COL24A1: variants seen among roughly 807,000 people sequenced by gnomAD.
COL24A1 encodes the protein collagen alpha-1(XXIV) chain.
Under a neutral mutation model 253.9 loss-of-function variants are expected in COL24A1, and 224 were observed. The ratio of observed to expected loss-of-function variants is 0.88; its 90% CI spans 0.79 to 0.99. The LOEUF (loss-of-function observed/expected upper bound fraction) is 0.99. Ranked by LOEUF, COL24A1 falls within the 50% of genes least tolerant of loss-of-function variation. The pLI, the probability that COL24A1 is intolerant of heterozygous loss-of-function variation, is 0.00. For synonymous variants in COL24A1, 685 were observed against 673.7 expected, an observed-to-expected ratio of 1.02 and a Z score of -0.26; for missense variants, 2,131 against 2,068.5, an observed-to-expected ratio of 1.03 and a Z score of -0.59.
At chr1:86,039,083 G>C (rs990116429) in intron 12 of COL24A1, among the ~76,000 whole-genome samples, 14 of 152,154 alleles carry the variant, frequency 9.2e-5, no homozygotes, top group Non-Finnish European at 2.9e-5. Flanking sequence ...GGCATGTGAT[G>C]CCAGTGCTAA....
chr1:85,984,365 C>A (rs999301685), intron 20 of COL24A1, among the ~76,000 whole-genome samples: 1 of 151,820 alleles, frequency 6.6e-6, no homozygotes. Flanking sequence ...CAGAGCACTT[C>A]ACCAACTCTT....
chr1:85,748,036 A>G (rs1168614491), intron 55 of COL24A1, among the ~76,000 whole-genome samples: 1 of 152,248 alleles, frequency 6.6e-6, no homozygotes, highest in Non-Finnish European at 1.5e-5. Context: ...TTAGGAAAAC[A>G]TAATGTTACT....
intron 31 of COL24A1, among the ~76,000 whole-genome samples, chr1:85,895,443 T>C (rs545594034): frequency 2.6e-5 from 4 of 152,288 alleles, no homozygotes; most frequent in East Asian, 3.9e-4. Context: ...CTCATTATAT[T>C]TATATGTCAC....
intron 4 of COL24A1, among the ~76,000 whole-genome samples, chr1:86,114,320 G>C (rs574529142): frequency 6.6e-6 from 1 of 152,188 alleles, no homozygotes; most frequent in East Asian, 1.9e-4. Flanking sequence ...GTAAACTGCC[G>C]TATTATGAGA....
At chr1:85,925,334 T>A (rs1450746785) in intron 24 of COL24A1, among the ~76,000 whole-genome samples, 17 of 152,134 alleles carry the variant, frequency 1.1e-4, no homozygotes, top group Admixed American at 6.5e-5. Flanking sequence ...GTAAAGTTCA[T>A]ATGGAACCAA....
intron 10 of COL24A1, among the ~76,000 whole-genome samples, chr1:86,051,423 C>T (rs1026343019): frequency 6.6e-6 from 1 of 152,060 alleles, no homozygotes; most frequent in African/African-American, 2.4e-5. Flanking sequence ...TGGTGCTTTG[C>T]TTTACTGAGG....
intron 22 of COL24A1, among the ~76,000 whole-genome samples, chr1:85,968,980 A>G (rs992330506): frequency 2.6e-5 from 4 of 152,192 alleles, no homozygotes; most frequent in Non-Finnish European, 4.4e-5. Context: ...ATATCTTGCA[A>G]AGTTGTTTTC....
At chr1:85,969,534 G>A (rs902653643) in intron 22 of COL24A1, among the ~76,000 whole-genome samples, 1 of 146,526 alleles carries the variant, frequency 6.8e-6, no homozygotes, top group African/African-American at 2.5e-5. Flanking sequence ...GAACCCAGGA[G>A]GTGGAGGTTG....
chr1:85,737,417 T>C lies in COL24A1; in HGVS notation c.4761A>G (p.Leu1587=). ...CNFSAGGQTC[L]PPVSVTKLEF... The stretch of plus-strand genomic sequence containing the variant: ...ATACCTTTGTTACAGAAACAGGAGG[T>C]AAGCATGTCTGGCCACCAGCACTGA... The change falls in exon 58 of 60, where the codon TTA becomes TTG. Residue 1587 remains leucine (L), a synonymous_variant. Transcript: ENST00000370571. 1 of 1,612,050 alleles carries C rather than the reference T, an allele frequency of 6.2e-7. No individual in the cohort carries two copies.
chr1:85,937,753 T>G (rs2103144199), intron 24 of COL24A1, among the ~76,000 whole-genome samples: 1 of 147,616 alleles, frequency 6.8e-6, no homozygotes, highest in East Asian at 2.1e-4. Context: ...ATGGTACCAT[T>G]CTTTGAGAAG....
chr1:86,047,249 G>C (rs928074211), intron 11 of COL24A1, among the ~76,000 whole-genome samples: 1 of 152,232 alleles, frequency 6.6e-6, no homozygotes, highest in East Asian at 1.9e-4. Context: ...CTCTCTATCT[G>C]GATATAAACA....
chr1:85,850,880 T>C (rs1291647278), intron 37 of COL24A1, among the ~76,000 whole-genome samples: 6 of 152,126 alleles, frequency 3.9e-5, no homozygotes, highest in Middle Eastern at 3.4e-3. Flanking sequence ...TTATTAAAAG[T>C]GTATTACACA....
In COL24A1 at chr1:85,991,652, G is replaced by A. The variant is rs555866815; in HGVS notation, c.2311-3998C>T. Among the ~76,000 whole-genome samples the A allele has an allele frequency of 9.9e-5, 15 of 152,256 alleles. No homozygotes were observed. The South Asian group carries it at 1.9e-3, about 19-fold the overall frequency. On this transcript the variant is annotated intron_variant, in intron 19 of 59. Transcript: ENST00000370571. ...GCTGGGGTGACTTCTGGGTAAACATGCAACACTGAATATACGTGTGAATCT... is the reference window on the plus strand; with the variant it reads ...GCTGGGGTGACTTCTGGGTAAACATACAACACTGAATATACGTGTGAATCT...
At chr1:85,796,939 G>C (rs1448426572) in intron 47 of COL24A1, among the ~76,000 whole-genome samples, 1 of 151,862 alleles carries the variant, frequency 6.6e-6, no homozygotes, top group Non-Finnish European at 1.5e-5. Flanking sequence ...GGTGGCTCAC[G>C]CCTGTAATCC....
rs940894646 is a variant in COL24A1, at chr1:85,935,261, A to T, written c.2563-23828T>A. 2.4e-5 allele frequency among the ~76,000 whole-genome samples: 3 copies of T among 122,484 alleles called. 1 individual carries two copies. The highest frequency in any genetic ancestry group is 5.4e-5 in the Non-Finnish European group (3 of 55,224). The allele number at this position is 122,484 out of a possible 152,430, so 80.4% of individuals were successfully genotyped here. A position where few individuals can be genotyped will look rare whatever the true frequency, so the allele number is the denominator to read the frequency against. ...ACAAAAAGAGGAAAAGGCTACGAAC[A>T]ATAACATTTAGAGAGTTGGTTCGGA... On this transcript the variant is annotated intron_variant, in intron 24 of 59. Coordinates refer to ENST00000370571, the MANE Select transcript of COL24A1 (RefSeq NM_152890.7).
intron 47 of COL24A1, among the ~76,000 whole-genome samples, chr1:85,797,546 G>GT (rs1670969640): frequency 6.6e-6 from 1 of 152,212 alleles, no homozygotes; most frequent in South Asian, 2.1e-4. Flanking sequence ...TGGGGGCTAA[G>GT]TAAATAGGCA....
At chr1:86,022,140 C>T (rs527744621) in intron 18 of COL24A1, 100 bp downstream of exon 18, 6 of 1,015,332 alleles carry the variant, frequency 5.9e-6, no homozygotes, top group Middle Eastern at 4.1e-4. Context: ...GAGACAAATG[C>T]TCAGTAGGCT....
chr1:85,869,767 T>G lies in COL24A1; in HGVS notation c.3139-932A>C, dbSNP rs915200034. 3.9e-5 allele frequency among the ~76,000 whole-genome samples: 6 copies of G among 152,180 alleles called. 1 individual carries two copies. Among genetic ancestry groups the G allele is most frequent in the African/African-American group, 1.2e-4 (5 of 41,528 alleles). ...CATGCCAAATTGTAAAGACCATCGA[T>G]GCTAGGAAGAAACTGCATCAACTAA... is the stretch of plus-strand genomic sequence containing the variant. On this transcript the variant is annotated intron_variant, in intron 35 of 59. Transcript: ENST00000370571.
chr1:85,936,274 C>G (rs1174699971), intron 24 of COL24A1, among the ~76,000 whole-genome samples: 2 of 147,306 alleles, frequency 1.4e-5, no homozygotes, highest in Non-Finnish European at 3.0e-5. Flanking sequence ...TGGCCTACTT[C>G]TTATTATAAT....
Sources: allele counts gnomAD v4.1 joint callset (sites outside exome capture counted in the v4.1 genomes callset), GRCh38; gene constraint gnomAD v4.1.1; transcripts MANE v1.5; gene names NCBI Gene and HGNC (gene_info 2026-07-23, HGNC 2026-07-21).